Variants in VSIG10 observed in about 807,000 individuals in gnomAD.
The protein encoded by VSIG10 is V-set and immunoglobulin domain-containing protein 10.
In VSIG10, 48 loss-of-function variants were observed where a neutral mutation model predicts 58.7. The observed-to-expected ratio is 0.82, with a 90% confidence interval of 0.65 to 1.04. VSIG10 has a LOEUF of 1.04. VSIG10 is among the 50% of genes least tolerant of loss of function. The probability of loss-of-function intolerance (pLI) is 0.00; values close to 1 mark genes in which losing one functional copy is unlikely to be tolerated. For synonymous variants in VSIG10, 260 were observed against 267.1 expected, an observed-to-expected ratio of 0.97 and a Z score of 0.26; for missense variants, 628 against 670.0, an observed-to-expected ratio of 0.94 and a Z score of 0.69.
chr12:118,071,170 T>A, intron 6 of VSIG10, 103 bp from the exon 7 acceptor site: 1 of 1,343,520 alleles, frequency 7.4e-7, no homozygotes, highest in African/African-American at 1.5e-5. Flanking sequence ...ATAAGAAAAC[T>A]GACTCAATAT....
chr12:118,066,496 G>A lies in VSIG10; in HGVS notation c.*143C>T, dbSNP rs2032250526. The A allele has an allele frequency of 6.2e-6, 5 of 802,764 alleles. No individual in the cohort carries two copies. The highest frequency in any genetic ancestry group is 1.1e-5 in the Non-Finnish European group (5 of 464,284). 49.7% of individuals were successfully genotyped at this position (802,764 alleles called of 1,614,324 possible). A position where few individuals can be genotyped will look rare whatever the true frequency, so the allele number is the denominator to read the frequency against. On this transcript the variant is annotated 3_prime_UTR_variant, in exon 9 of 9. Coordinates refer to ENST00000359236, the MANE Select transcript of VSIG10 (RefSeq NM_019086.6). ...ATGGAAGGAAAGATGTGTGTGCTTGGTTTTGTTTTTTGCTGAGACCCAAAC... is the reference window on the plus strand; with the variant it reads ...ATGGAAGGAAAGATGTGTGTGCTTGATTTTGTTTTTTGCTGAGACCCAAAC...
intron 4 of VSIG10, among the ~76,000 whole-genome samples, chr12:118,075,860 C>T (rs1350801416): frequency 6.6e-6 from 1 of 152,168 alleles, no homozygotes; most frequent in Non-Finnish European, 1.5e-5. Flanking sequence ...ACTAAATAGG[C>T]AATGCAGCTA....
rs35469920 is a variant in VSIG10, at chr12:118,078,937, T to TAAAAAAAAAAAAAA, written c.925+395_925+408dup. ...CTGGGCAACAGAGCAAGACTCTGCC[T>TAAAAAAAAAAAAAA]AAAAAAAAAAAAAAAAAAAAAAAAA... is the stretch of plus-strand genomic sequence containing the variant. On this transcript the variant is annotated intron_variant, in intron 4 of 8. Coordinates refer to ENST00000359236, the MANE Select transcript of VSIG10 (RefSeq NM_019086.6). Among the ~76,000 whole-genome samples, 45 of 39,908 alleles carry TAAAAAAAAAAAAAA rather than the reference T, an allele frequency of 1.1e-3. 2 individuals are homozygous for TAAAAAAAAAAAAAA. Among genetic ancestry groups the TAAAAAAAAAAAAAA allele is most frequent in the African/African-American group, 3.6e-3 (39 of 10,766 alleles). The allele number at this position is 39,908 out of a possible 152,430, so 26.2% of individuals were successfully genotyped here.
intron 4 of VSIG10, among the ~76,000 whole-genome samples, chr12:118,077,044 C>T (rs1477632177): frequency 6.6e-6 from 1 of 152,210 alleles, no homozygotes; most frequent in East Asian, 1.9e-4. Flanking sequence ...TTGATTCCAT[C>T]TGCAAAGACT....
chr12:118,089,854 G>A (rs1245344971), intron 2 of VSIG10, among the ~76,000 whole-genome samples: 3 of 152,074 alleles, frequency 2.0e-5, no homozygotes, highest in Non-Finnish European at 2.9e-5. Context: ...CAAGGCCACT[G>A]TCGCCACCCT....
chr12:118,074,038 A>T, intron 4 of VSIG10, 46 bp from the exon 5 acceptor site: 1 of 1,508,416 alleles, frequency 6.6e-7, no homozygotes, highest in Non-Finnish European at 8.9e-7. Context: ...AAGAGATTCA[A>T]GTCATGGCCT....
At chr12:118,103,539 C>T in intron 1 of VSIG10, 54 bp downstream of exon 1, 1 of 1,475,252 alleles carries the variant, frequency 6.8e-7, no homozygotes, top group Admixed American at 2.3e-5. Flanking sequence ...GCTGTCCCCT[C>T]CCCACCGCTG....
Position 118,073,948 on chromosome 12 carries a change from CA to C in VSIG10, c.969del (p.Gly325AlafsTer3). On this transcript the variant is annotated frameshift_variant, in exon 5 of 9. Transcript: ENST00000359236. LOFTEE classifies it high-confidence loss of function. ...TGGCATGTAAGCGTCACATTGCCCCCAGTGAAGCAAGTCTTCATGGGCTCAG... is the reference window on the plus strand; with the variant it reads ...TGGCATGTAAGCGTCACATTGCCCCCGTGAAGCAAGTCTTCATGGGCTCAG... ...LLSEPMKTCFTGGNVTLTCQV... is the reference protein window; with the variant it reads ...LLSEPMKTCFXGGNVTLTCQV... 6.2e-7 allele frequency: 1 copy of C among 1,602,670 alleles called. No individual in the cohort carries two copies. Among genetic ancestry groups the C allele is most frequent in the South Asian group, 1.1e-5 (1 of 89,256 alleles).
chr12:118,073,654 GA>G (rs1453921862), intron 5 of VSIG10, 44 bp downstream of exon 5: 1 of 1,550,392 alleles, frequency 6.4e-7, no homozygotes, highest in East Asian at 2.3e-5. Context: ...TGGGTGCTCT[GA>G]AGCTCTGAAC....
chr12:118,068,023 CTT>C (rs371999216), intron 8 of VSIG10, among the ~76,000 whole-genome samples: 1 of 85,500 alleles, frequency 1.2e-5, no homozygotes, highest in Non-Finnish European at 2.1e-5. Flanking sequence ...GGTTTGTGGG[CTT>C]TTTTTTTTTT....
intron 2 of VSIG10, among the ~76,000 whole-genome samples, chr12:118,084,069 G>A (rs1161830043): frequency 1.3e-5 from 2 of 151,738 alleles, no homozygotes; most frequent in East Asian, 1.9e-4. Flanking sequence ...GCAGTGAGCT[G>A]TGATTGTGCC....
At chr12:118,085,316 G>A (rs187597389) in intron 2 of VSIG10, among the ~76,000 whole-genome samples, 1 of 152,254 alleles carries the variant, frequency 6.6e-6, no homozygotes, top group East Asian at 1.9e-4. Flanking sequence ...TAGAGAGGAG[G>A]TCCCCATCCC....
chr12:118,080,722 CA>C (rs1247316051), intron 3 of VSIG10, among the ~76,000 whole-genome samples: 1 of 152,098 alleles, frequency 6.6e-6, no homozygotes, highest in Non-Finnish European at 1.5e-5. Flanking sequence ...ATACATGCCT[CA>C]ATATAGACGA....
chr12:118,076,961 C>T (rs371728158), intron 4 of VSIG10, among the ~76,000 whole-genome samples: 33 of 152,308 alleles, frequency 2.2e-4, no homozygotes, highest in Middle Eastern at 6.8e-3. Context: ...GCCCGGCCTT[C>T]TCCCTTCTTA....
intron 2 of VSIG10, among the ~76,000 whole-genome samples, chr12:118,093,862 T>C (rs904097689): frequency 3.9e-5 from 6 of 151,998 alleles, no homozygotes; most frequent in South Asian, 2.1e-4. Flanking sequence ...TGAGCCGAGA[T>C]TGCATCACTG....
Position 118,065,368 on chromosome 12 carries a change from A to G in VSIG10, c.*1271T>C, listed in dbSNP as rs2032212131. ...TGTATCACCTAGGAGGCTTGTATAT[A>G]AATATGAAGCTCTGCAAAATGTAGT... is the stretch of plus-strand genomic sequence containing the variant. On this transcript the variant is annotated 3_prime_UTR_variant, in exon 9 of 9. Coordinates refer to ENST00000359236, the MANE Select transcript of VSIG10 (RefSeq NM_019086.6). 6.6e-6 allele frequency: 1 copy of G among 152,266 alleles called. No individual in the cohort carries two copies. Among genetic ancestry groups the G allele is most frequent in the South Asian group, 2.1e-4 (1 of 4,834 alleles). The allele number at this position is 152,266 out of a possible 1,614,324, so 9.4% of individuals were successfully genotyped here.
intron 2 of VSIG10, 148 bp downstream of exon 2, chr12:118,095,385 G>C (rs2033418227): frequency 6.2e-6 from 6 of 975,262 alleles, no homozygotes; most frequent in Non-Finnish European, 9.1e-6. Context: ...GGAAATAGAG[G>C]TGTGAGAGGT....
intron 2 of VSIG10, among the ~76,000 whole-genome samples, chr12:118,088,806 A>C (rs548016033): frequency 7.4e-4 from 113 of 152,176 alleles, no homozygotes; most frequent in Non-Finnish European, 1.4e-3. Context: ...CAAGCCCTAC[A>C]TCAGTCAAGG....
intron 2 of VSIG10, among the ~76,000 whole-genome samples, chr12:118,092,713 C>A (rs1252115162): frequency 1.3e-5 from 2 of 150,132 alleles, no homozygotes; most frequent in Non-Finnish European, 2.9e-5. Context: ...CAGTTCACTG[C>A]AGCCTCGACC....
Sources: allele counts gnomAD v4.1 joint callset (sites outside exome capture counted in the v4.1 genomes callset), GRCh38; gene constraint gnomAD v4.1.1; transcripts MANE v1.5; gene names NCBI Gene and HGNC (gene_info 2026-07-23, HGNC 2026-07-21).